Variants in UNC80 observed in about 807,000 individuals in gnomAD.
UNC80 encodes unc-80 subunit of NALCN channel complex, also known as protein unc-80 homolog.
UNC80 carries 164 observed loss-of-function variants against 384.6 expected under a neutral mutation model. The ratio of observed to expected loss-of-function variants is 0.43; its 90% CI spans 0.38 to 0.49. The LOEUF (loss-of-function observed/expected upper bound fraction) is 0.49. Ranked by LOEUF, UNC80 falls within the 20% of genes least tolerant of loss-of-function variation. UNC80 has a pLI of 0.00. For missense variants in UNC80, 3,330 were observed against 4,143.0 expected, an observed-to-expected ratio of 0.80 and a Z score of 5.39; for synonymous variants, 1,486 against 1,527.8, an observed-to-expected ratio of 0.97 and a Z score of 0.64.
Position 209,896,392 on chromosome 2 carries a change from C to T in UNC80, c.4560C>T (p.His1520=), listed in dbSNP as rs753367969. ...ATGCCGGCGCGGAGGAGAATTACCA[C>T]AGAAACATGTCGTGGCTTCATGTAA... ...MSNAGAEENY[H]RNMSWLHVMI... The change falls in exon 28 of 65, where the codon CAC becomes CAT. Residue 1520 remains histidine (H), a synonymous_variant. Transcript: ENST00000673920. 15 of 1,551,444 alleles carry T rather than the reference C, an allele frequency of 9.7e-6. No individual in the cohort carries two copies. The highest frequency in any genetic ancestry group is 1.7e-4 in the Middle Eastern group (1 of 6,014).
chr2:209,811,504 G>T (rs2079347332), intron 7 of UNC80, among the ~76,000 whole-genome samples: 3 of 152,208 alleles, frequency 2.0e-5, no homozygotes. Context: ...CTGTGGAACT[G>T]ATGAGAAGTG....
chr2:209,875,975 C>T (rs550425839), intron 23 of UNC80, among the ~76,000 whole-genome samples: 3 of 152,130 alleles, frequency 2.0e-5, no homozygotes, highest in African/African-American at 7.2e-5. Flanking sequence ...ATCCATCATC[C>T]GAGTAGGGCA....
chr2:209,992,047 T>C (rs905204853), intron 61 of UNC80, 119 bp from the exon 62 acceptor site: 3 of 731,338 alleles, frequency 4.1e-6, no homozygotes, highest in African/African-American at 1.8e-5. Flanking sequence ...CAACCATCCT[T>C]CAAAGATAAT....
At chr2:209,939,411 G>A (rs2091472608) in intron 42 of UNC80, 61 bp from the exon 43 acceptor site, 1 of 1,437,814 alleles carries the variant, frequency 7.0e-7, no homozygotes, top group Non-Finnish European at 9.2e-7. Flanking sequence ...AGTTTTTTCA[G>A]TCTATAAATC....
In UNC80 at chr2:209,912,578, C is replaced by A. The variant is rs1310711227; in HGVS notation, c.4801C>A (p.Leu1601Met). The change falls in exon 30 of 65, where the codon CTG becomes ATG. Residue 1601 changes from leucine (L) to methionine (M), a missense_variant. This residue lies in a region of UNC80 where 801 missense variants were observed against 950.8 expected (regional missense o/e 0.84). Transcript: ENST00000673920. ...KQKECSDKSC[L>M]RTPSLKKRVS... ...TTTTCAGTGCTCAGATAAGTCATGC[C>A]TGAGGACACCTTCTCTAAAGAAGAG... 6.4e-7 allele frequency: 1 copy of A among 1,551,198 alleles called. No individual in the cohort carries two copies. Among genetic ancestry groups the A allele is most frequent in the Non-Finnish European group, 8.7e-7 (1 of 1,146,646 alleles).
intron 26 of UNC80, among the ~76,000 whole-genome samples, chr2:209,893,129 GA>G (rs1295286122): frequency 6.6e-6 from 1 of 152,168 alleles, no homozygotes; most frequent in Non-Finnish European, 1.5e-5. Flanking sequence ...TCATGAATGA[GA>G]AACCTGAAAC....
At chr2:209,866,990 A>G (rs2083885051) in intron 22 of UNC80, among the ~76,000 whole-genome samples, 1 of 152,248 alleles carries the variant, frequency 6.6e-6, no homozygotes, top group South Asian at 2.1e-4. Context: ...TGATTAAATC[A>G]GGATAACTGG....
In UNC80 at chr2:209,997,722, C is replaced by T. The variant is rs989860122; in HGVS notation, c.*2127C>T. 6.6e-6 allele frequency: 1 copy of T among 152,112 alleles called. No homozygotes were observed. The highest frequency in any genetic ancestry group is 2.4e-5 in the African/African-American group (1 of 41,428). 9.4% of individuals were successfully genotyped at this position (152,112 alleles called of 1,614,324 possible). On this transcript the variant is annotated 3_prime_UTR_variant, in exon 65 of 65. Coordinates refer to ENST00000673920, the MANE Select transcript of UNC80 (RefSeq NM_001371986.1). ...ATGTTGTAACTTGCAAAAAAGCCTCCACTCTGAGAAACAGGGCCTTATAGA... is the reference window on the plus strand; with the variant it reads ...ATGTTGTAACTTGCAAAAAAGCCTCTACTCTGAGAAACAGGGCCTTATAGA...
chr2:209,989,735 G>A (rs1409225831), intron 61 of UNC80, among the ~76,000 whole-genome samples: 2 of 152,158 alleles, frequency 1.3e-5, no homozygotes, highest in Non-Finnish European at 2.9e-5. Flanking sequence ...AAATCCTGCA[G>A]ATGACTGAAA....
chr2:209,931,277 T>C (rs7596203), intron 38 of UNC80, among the ~76,000 whole-genome samples: 42,115 of 151,606 alleles, frequency 0.28, 6,737 homozygotes, highest in African/African-American at 0.44. Flanking sequence ...TATATAACTT[T>C]CTTATGTTTG....
intron 31 of UNC80, among the ~76,000 whole-genome samples, 184 bp from the exon 32 acceptor site, chr2:209,917,593 C>T (rs939940496): frequency 2.0e-5 from 3 of 152,170 alleles, no homozygotes; most frequent in Non-Finnish European, 2.9e-5. Flanking sequence ...TTGCTGCCCT[C>T]GCACCAGCTA....
chr2:209,910,400 C>A (rs926102785), intron 29 of UNC80, among the ~76,000 whole-genome samples: 1 of 151,898 alleles, frequency 6.6e-6, no homozygotes, highest in Non-Finnish European at 1.5e-5. Flanking sequence ...CACACATATA[C>A]CCCCATCTCT....
At chr2:209,788,705 T>G (rs2077611398) in intron 5 of UNC80, among the ~76,000 whole-genome samples, 4 of 150,816 alleles carry the variant, frequency 2.7e-5, no homozygotes, top group Admixed American at 2.6e-4. Flanking sequence ...ATTATGTATT[T>G]GTTTTAAGCT....
chr2:209,845,797 T>G (rs1026480038), intron 21 of UNC80, among the ~76,000 whole-genome samples: 1 of 152,118 alleles, frequency 6.6e-6, no homozygotes, highest in African/African-American at 2.4e-5. Context: ...AGAAAATGAG[T>G]ATCTCCAGCT....
At chr2:209,791,819 C>CG (rs2077821839) in intron 6 of UNC80, among the ~76,000 whole-genome samples, 1 of 52,144 alleles carries the variant, frequency 1.9e-5, no homozygotes, top group Admixed American at 3.5e-4. Flanking sequence ...GACTCCGTCT[C>CG]AAAAAAAAAA....
chr2:209,855,260 A>G (rs1024533814), intron 22 of UNC80, among the ~76,000 whole-genome samples: 9 of 152,190 alleles, frequency 5.9e-5, no homozygotes, highest in African/African-American at 2.2e-4. Context: ...ACACATGGAC[A>G]CATGGACACA....
intron 22 of UNC80, among the ~76,000 whole-genome samples, chr2:209,860,588 G>A (rs1326229863): frequency 2.0e-5 from 3 of 152,178 alleles, no homozygotes; most frequent in Admixed American, 6.5e-5. Context: ...TGTGAAGAAT[G>A]TCAATGGTTA....
chr2:209,875,302 A>G (rs1320050942), intron 23 of UNC80, among the ~76,000 whole-genome samples: 2 of 152,018 alleles, frequency 1.3e-5, no homozygotes, highest in Non-Finnish European at 2.9e-5. Context: ...TAAAACCCAA[A>G]CTGCTTAGCC....
chr2:209,913,970 C>A, intron 31 of UNC80, 30 bp downstream of exon 31: 1 of 1,513,542 alleles, frequency 6.6e-7, no homozygotes, highest in Non-Finnish European at 8.9e-7. Context: ...AACCCTGTGC[C>A]TGCTGCCACT....
Sources: allele counts gnomAD v4.1 joint callset (sites outside exome capture counted in the v4.1 genomes callset), GRCh38; gene constraint gnomAD v4.1.1; regional missense constraint gnomAD v4.1.1; transcripts MANE v1.5; gene names NCBI Gene and HGNC (gene_info 2026-07-23, HGNC 2026-07-21).